PAX2: variants seen among roughly 807,000 people sequenced by gnomAD.
PAX2 encodes the protein paired box 2, also known as paired box protein Pax-2.
A neutral mutation model predicts 41.7 loss-of-function variants in PAX2; 9 were observed. That is an observed-to-expected ratio of 0.22 (90% CI 0.13 to 0.38). The LOEUF (loss-of-function observed/expected upper bound fraction) is 0.38. PAX2 is among the 10% of genes least tolerant of loss of function. The pLI, the probability that PAX2 is intolerant of heterozygous loss-of-function variation, is 1.00. For synonymous variants in PAX2, 221 were observed against 212.7 expected (o/e 1.04, Z -0.34); for missense variants, 418 against 531.6 (o/e 0.79, Z 2.10).
Position 100,798,104 on chromosome 10 carries a change from CTTT to C in PAX2, c.617-8304_617-8302del, listed in dbSNP as rs11314855. 9.0e-4 allele frequency among the ~76,000 whole-genome samples: 78 copies of C among 86,550 alleles called. 1 individual carries two copies. The East Asian group carries it at 0.026, about 28-fold the overall frequency. The allele number at this position is 86,550 out of a possible 152,430, so 56.8% of individuals were successfully genotyped here. The stretch of plus-strand genomic sequence containing the variant: ...TCCAAAGCCTTCTTCATGTCCACCT[CTTT>C]TTTTTTTTTTTTTTTTTTTTTAGAC... On this transcript the variant is annotated intron_variant, in intron 5 of 9. Transcript: ENST00000355243.
chr10:100,819,058 T>C (rs1440467743), intron 7 of PAX2, among the ~76,000 whole-genome samples: 3 of 148,776 alleles, frequency 2.0e-5, no homozygotes, highest in African/African-American at 5.0e-5. Context: ...ACCAGCCTGG[T>C]CAACATGGCA....
intron 7 of PAX2, among the ~76,000 whole-genome samples, chr10:100,822,917 C>T (rs1848418782): frequency 6.6e-6 from 1 of 152,136 alleles, no homozygotes; most frequent in South Asian, 2.1e-4. Context: ...ATAGTTTTTA[C>T]AAGGGAAGTG....
chr10:100,821,136 C>A (rs1368972344), intron 7 of PAX2, among the ~76,000 whole-genome samples: 1 of 152,194 alleles, frequency 6.6e-6, no homozygotes, highest in Non-Finnish European at 1.5e-5. Flanking sequence ...TGCTGCTGGG[C>A]AAATGGTATG....
chr10:100,771,811 C>CT (rs35627308), intron 3 of PAX2, among the ~76,000 whole-genome samples: 3,033 of 148,458 alleles, frequency 0.02, 109 homozygotes, highest in African/African-American at 0.069. Context: ...CAAATATCTT[C>CT]TTTTTTTTTT....
chr10:100,803,010 C>T (rs1372941684), intron 5 of PAX2, among the ~76,000 whole-genome samples: 1 of 152,048 alleles, frequency 6.6e-6, no homozygotes, highest in East Asian at 1.9e-4. Context: ...AGCTCGCTCC[C>T]CATCTTCCCG....
At chr10:100,739,432 GAAGGA>G (rs1395487824) in intron 1 of PAX2, among the ~76,000 whole-genome samples, 1 of 152,238 alleles carries the variant, frequency 6.6e-6, no homozygotes, top group Non-Finnish European at 1.5e-5. Flanking sequence ...GGGAGAGGAG[GAAGGA>G]AAGGCGGGCG....
chr10:100,804,457 C>CT (rs145310609), intron 5 of PAX2, among the ~76,000 whole-genome samples: 2,053 of 152,310 alleles, frequency 0.013, 44 homozygotes, highest in African/African-American at 0.046. Flanking sequence ...ATATTTGATG[C>CT]TTTCCTCAGC....
intron 7 of PAX2, among the ~76,000 whole-genome samples, chr10:100,809,718 C>A (rs1353734298): frequency 6.6e-6 from 1 of 152,216 alleles, no homozygotes; most frequent in Non-Finnish European, 1.5e-5. Context: ...GAGGGCATGG[C>A]ACCCAGCTCT....
At chr10:100,767,992 C>T (rs984748814) in intron 3 of PAX2, among the ~76,000 whole-genome samples, 2 of 151,894 alleles carry the variant, frequency 1.3e-5, no homozygotes, top group Non-Finnish European at 2.9e-5. Flanking sequence ...ATTTCCACAT[C>T]CCCCTCCCCC....
rs1209113138 is a variant in PAX2, at chr10:100,764,830, A to T, written c.410+13939A>T. 2.0e-5 allele frequency among the ~76,000 whole-genome samples: 3 copies of T among 152,132 alleles called. No individual in the cohort carries two copies. The East Asian group carries it at 5.8e-4, about 29-fold the overall frequency. On this transcript the variant is annotated intron_variant, in intron 3 of 9. Coordinates refer to ENST00000355243, the MANE Select transcript of PAX2 (RefSeq NM_000278.5). ...TTGCATTTTGTAGTTTTTTTAAAAG[A>T]TAAAATGAAATGGTAGTGGGGAAAA...
chr10:100,827,703 A>T lies in PAX2; in HGVS notation c.*84A>T. On this transcript the variant is annotated 3_prime_UTR_variant, in exon 10 of 10. Transcript: ENST00000355243. The surrounding 1 kb of genome is among the most constrained non-coding windows in gnomAD (Gnocchi z 8.5). ...GTCTGACCCCACCCCGGAGGGAGGG[A>T]GGACCGACGCGACGCGATGCCTCCC... 3.1e-6 allele frequency: 5 copies of T among 1,610,940 alleles called. No individual in the cohort carries two copies. The highest frequency in any genetic ancestry group is 4.2e-6 in the Non-Finnish European group (5 of 1,178,690).
intron 1 of PAX2, among the ~76,000 whole-genome samples, chr10:100,738,614 T>A (rs142953987): frequency 1.3e-3 from 205 of 152,310 alleles, no homozygotes; most frequent in Middle Eastern, 0.01. Context: ...CCTCCCTCCA[T>A]CAGTTTCTTC....
At chr10:100,787,636 G>A (rs796887706) in intron 5 of PAX2, among the ~76,000 whole-genome samples, 3 of 152,084 alleles carry the variant, frequency 2.0e-5, no homozygotes, top group African/African-American at 7.2e-5. Flanking sequence ...GCAGGGCCTC[G>A]GTATCAGCCT....
In PAX2 at chr10:100,748,283, G is replaced by A. The variant is rs1845280439; in HGVS notation, c.44-1463G>A. The A allele has an allele frequency of 1.0e-6, 1 of 984,964 alleles. No homozygotes were observed. Among genetic ancestry groups the A allele is most frequent in the Admixed American group, 6.2e-5 (1 of 16,260 alleles). The allele number at this position is 984,964 out of a possible 1,614,324, so 61.0% of individuals were successfully genotyped here. On this transcript the variant is annotated intron_variant, in intron 1 of 9. Transcript: ENST00000355243. This position sits in a 1 kb window ranked among gnomAD's most constrained non-coding sequence, Gnocchi z 5.0. The stretch of plus-strand genomic sequence containing the variant: ...CCTAAATTATTGATGGTCGGGGTTT[G>A]GAGGGAGGGGAGGGTGAGAAGTGGG...
intron 3 of PAX2, among the ~76,000 whole-genome samples, chr10:100,767,295 G>A (rs965318862): frequency 2.0e-5 from 3 of 152,162 alleles, no homozygotes; most frequent in Non-Finnish European, 4.4e-5. Context: ...CTGCCAGAAA[G>A]CAGCAGCACC....
chr10:100,749,674 G>A (rs1014637726), intron 1 of PAX2, 72 bp from the exon 2 acceptor site: 8 of 1,557,028 alleles, frequency 5.1e-6, no homozygotes, highest in South Asian at 1.2e-5. Context: ...CCCGTCCCGG[G>A]CCGCGGACCC....
chr10:100,819,544 T>C (rs1848312139), intron 7 of PAX2, among the ~76,000 whole-genome samples: 1 of 152,174 alleles, frequency 6.6e-6, no homozygotes, highest in Non-Finnish European at 1.5e-5. Flanking sequence ...CTCTCCAGCC[T>C]GGGTGACGAG....
intron 3 of PAX2, among the ~76,000 whole-genome samples, chr10:100,773,609 T>C (rs1017829375): frequency 2.0e-5 from 3 of 152,194 alleles, no homozygotes; most frequent in Non-Finnish European, 4.4e-5. Context: ...TTCTATTGAT[T>C]TGTAAAAAGT....
At chr10:100,771,005 T>C (rs1180753885) in intron 3 of PAX2, among the ~76,000 whole-genome samples, 1 of 152,212 alleles carries the variant, frequency 6.6e-6, no homozygotes, top group Non-Finnish European at 1.5e-5. Flanking sequence ...TCTTCTCAAA[T>C]AGAGTTCAGA....
Sources: gnomAD v4.1 joint callset for allele counts (sites outside exome capture counted in the v4.1 genomes callset) on GRCh38, gnomAD v4.1.1 for gene constraint, Gnocchi (gnomAD v3.1) non-coding constraint, MANE v1.5 for transcripts, NCBI Gene and HGNC (gene_info 2026-07-23, HGNC 2026-07-21) for gene names.